Variants in GRIA1 observed in about 807,000 individuals in gnomAD.
The protein encoded by GRIA1 is glutamate ionotropic receptor AMPA type subunit 1, also known as glutamate receptor 1.
GRIA1 carries 31 observed loss-of-function variants against 99.2 expected under a neutral mutation model. The observed-to-expected ratio is 0.31, with a 90% CI of 0.23 to 0.42. The LOEUF is 0.42. Ranked by LOEUF, GRIA1 falls within the 10% of genes least tolerant of loss-of-function variation. The pLI, the probability that GRIA1 is intolerant of heterozygous loss-of-function variation, is 1.00. For synonymous variants in GRIA1, 438 were observed against 432.4 expected (o/e 1.01, Z -0.16); for missense variants, 782 against 1,157.5 (o/e 0.68, Z 4.71).
intron 11 of GRIA1, among the ~76,000 whole-genome samples, chr5:153,733,620 C>T (rs1279623623): frequency 1.3e-5 from 2 of 152,106 alleles, no homozygotes; most frequent in Non-Finnish European, 2.9e-5. Context: ...AAGAGACTTG[C>T]TTCAGCTTTA....
At chr5:153,491,346 G>T in intron 1 of GRIA1, 1 of 1,104,388 alleles carries the variant, frequency 9.1e-7, no homozygotes, top group Non-Finnish European at 1.1e-6. Flanking sequence ...AGTATGTATG[G>T]TGTGTGTGTT....
chr5:153,566,019 ACT>A (rs1299498190), intron 2 of GRIA1, among the ~76,000 whole-genome samples: 2 of 151,888 alleles, frequency 1.3e-5, no homozygotes, highest in Admixed American at 6.6e-5. Context: ...TTATGTAGTA[ACT>A]CTATGTTTAG....
chr5:153,799,487 A>G (rs753100618), intron 14 of GRIA1, among the ~76,000 whole-genome samples: 31 of 152,198 alleles, frequency 2.0e-4, no homozygotes, highest in Admixed American at 5.9e-4. Flanking sequence ...TTTTGTGTAA[A>G]TTGAAACTCC....
chr5:153,597,817 G>A (rs1308410132), intron 2 of GRIA1, among the ~76,000 whole-genome samples: 1 of 150,620 alleles, frequency 6.6e-6, no homozygotes, highest in Non-Finnish European at 1.5e-5. Flanking sequence ...AGACAAGGCT[G>A]GGCAACATGG....
intron 6 of GRIA1, 93 bp downstream of exon 6, chr5:153,674,754 GT>G (rs1326489096): frequency 1.5e-5 from 20 of 1,332,296 alleles, no homozygotes; most frequent in Non-Finnish European, 2.0e-5. Flanking sequence ...AAAGGAATCA[GT>G]TTTCTAAAGC....
chr5:153,554,172 G>T (rs10072952), intron 2 of GRIA1, among the ~76,000 whole-genome samples: 1 of 152,184 alleles, frequency 6.6e-6, no homozygotes, highest in Non-Finnish European at 1.5e-5. Flanking sequence ...CAGTCAGCCA[G>T]GTCTAATTGC....
intron 2 of GRIA1, among the ~76,000 whole-genome samples, chr5:153,603,271 C>T (rs1413244489): frequency 1.3e-5 from 2 of 152,130 alleles, no homozygotes; most frequent in Non-Finnish European, 2.9e-5. Context: ...TTTAAGGCTG[C>T]ATAGTATTCC....
chr5:153,593,308 G>T (rs571172456), intron 2 of GRIA1, among the ~76,000 whole-genome samples: 4 of 152,084 alleles, frequency 2.6e-5, no homozygotes, highest in African/African-American at 7.2e-5. Context: ...ACCCCCCAAA[G>T]ACTCCATCTT....
rs138803912 is a variant in GRIA1, at chr5:153,530,593, C to T, written c.220+36528C>T. Among the ~76,000 whole-genome samples the T allele has an allele frequency of 7.2e-5, 11 of 152,304 alleles. No individual in the cohort carries two copies. The East Asian group carries it at 9.6e-4, about 13-fold the overall frequency. ...TCATTACCCAGTGGCAGATAGTTTC[C>T]GCTGTGCTGTTACAATCTATTTGAC... On this transcript the variant is annotated intron_variant, in intron 2 of 15. Transcript: ENST00000285900.
chr5:153,657,753 C>T (rs550344382), intron 5 of GRIA1, among the ~76,000 whole-genome samples: 7 of 152,218 alleles, frequency 4.6e-5, no homozygotes, highest in East Asian at 1.9e-4. Flanking sequence ...GGCAATATTT[C>T]GGAGTGAGGA....
At chr5:153,644,876 G>A (rs1754026049) in intron 2 of GRIA1, among the ~76,000 whole-genome samples, 1 of 151,698 alleles carries the variant, frequency 6.6e-6, no homozygotes, top group Non-Finnish European at 1.5e-5. Flanking sequence ...GGAAGAGAGT[G>A]AAAGCCAGTG....
At chr5:153,734,199 C>T (rs1180373019) in intron 11 of GRIA1, among the ~76,000 whole-genome samples, 3 of 152,144 alleles carry the variant, frequency 2.0e-5, no homozygotes. Context: ...ATGTAAGCTC[C>T]CCAATTCCTG....
At chr5:153,711,774 G>A (rs1013925928) in intron 11 of GRIA1, among the ~76,000 whole-genome samples, 1 of 152,136 alleles carries the variant, frequency 6.6e-6, no homozygotes, top group Non-Finnish European at 1.5e-5. Context: ...CTTCTCCATG[G>A]CATCAATATT....
intron 15 of GRIA1, among the ~76,000 whole-genome samples, chr5:153,809,616 G>A (rs969272539): frequency 6.6e-6 from 1 of 152,206 alleles, no homozygotes; most frequent in Non-Finnish European, 1.5e-5. Context: ...TTTTGAGATG[G>A]ATCCTAGGTG....
At chr5:153,604,570 C>G (rs1765285728) in intron 2 of GRIA1, among the ~76,000 whole-genome samples, 1 of 152,170 alleles carries the variant, frequency 6.6e-6, no homozygotes, top group Admixed American at 6.5e-5. Context: ...CCCAGGAATG[C>G]TCTTGTGCCC....
chr5:153,497,676 T>C (rs1029606647), intron 2 of GRIA1, among the ~76,000 whole-genome samples: 1 of 152,138 alleles, frequency 6.6e-6, no homozygotes, highest in Non-Finnish European at 1.5e-5. Context: ...AGGAATTCTA[T>C]AGCAATTATT....
chr5:153,751,933 T>A (rs960521921), intron 11 of GRIA1, among the ~76,000 whole-genome samples: 17 of 152,200 alleles, frequency 1.1e-4, no homozygotes, highest in Admixed American at 2.0e-4. Flanking sequence ...CCATTGAGCA[T>A]CTTTCCTCTC....
At chr5:153,510,249 A>T (rs1475002533) in intron 2 of GRIA1, among the ~76,000 whole-genome samples, 1 of 152,202 alleles carries the variant, frequency 6.6e-6, no homozygotes, top group African/African-American at 2.4e-5. Flanking sequence ...TGTTGACTAA[A>T]GTGTTTGAGG....
intron 10 of GRIA1, among the ~76,000 whole-genome samples, chr5:153,704,901 C>T (rs1758781903): frequency 6.6e-6 from 1 of 152,146 alleles, no homozygotes; most frequent in African/African-American, 2.4e-5. Context: ...TTGTAATTTC[C>T]TGAGGGTGGG....
Sources: gnomAD v4.1 joint callset for allele counts (sites outside exome capture counted in the v4.1 genomes callset) on GRCh38, gnomAD v4.1.1 for gene constraint, MANE v1.5 for transcripts, NCBI Gene and HGNC (gene_info 2026-07-23, HGNC 2026-07-21) for gene names.